CAMK1D: variants seen among roughly 807,000 people sequenced by gnomAD.
CAMK1D encodes calcium/calmodulin dependent protein kinase ID.
CAMK1D carries 9 observed loss-of-function variants against 47.7 expected under a neutral mutation model. The ratio of observed to expected loss-of-function variants is 0.19; its 90% CI spans 0.11 to 0.33. CAMK1D has a LOEUF of 0.33. Among genes scored for constraint, CAMK1D ranks in the 10% least tolerant of loss-of-function variants. The pLI, the probability that CAMK1D is intolerant of heterozygous loss-of-function variation, is 1.00. For synonymous variants in CAMK1D, 184 were observed against 184.9 expected (o/e 0.99, Z 0.04); for missense variants, 291 against 488.7 (o/e 0.60, Z 3.81).
chr10:12,534,178 C>CT (rs1205358277), intron 1 of CAMK1D, among the ~76,000 whole-genome samples: 1 of 152,090 alleles, frequency 6.6e-6, no homozygotes, highest in Non-Finnish European at 1.5e-5. Flanking sequence ...GTCTATCTAT[C>CT]TATCTATCTG....
chr10:12,361,803 G>A (rs550731238), intron 1 of CAMK1D, among the ~76,000 whole-genome samples: 7 of 151,898 alleles, frequency 4.6e-5, no homozygotes, highest in Non-Finnish European at 1.0e-4. Context: ...TGACCCACCC[G>A]TCTTGGCCTC....
chr10:12,738,141 G>C (rs1463564178), intron 3 of CAMK1D, among the ~76,000 whole-genome samples: 2 of 152,108 alleles, frequency 1.3e-5, no homozygotes, highest in Admixed American at 1.3e-4. Context: ...GACAATGTGT[G>C]GAAAATATAA....
intron 6 of CAMK1D, among the ~76,000 whole-genome samples, chr10:12,798,514 G>A (rs182991552): frequency 6.4e-4 from 98 of 152,346 alleles, no homozygotes; most frequent in Middle Eastern, 6.8e-3. Flanking sequence ...CTGGCCTGAG[G>A]AAGCCTTCCC....
At chr10:12,496,384 C>T (rs934877399) in intron 1 of CAMK1D, among the ~76,000 whole-genome samples, 2 of 152,072 alleles carry the variant, frequency 1.3e-5, no homozygotes, top group African/African-American at 4.8e-5. Context: ...CGTCTGGGAC[C>T]CGGGCTGTTT....
intron 1 of CAMK1D, among the ~76,000 whole-genome samples, chr10:12,417,988 G>A (rs192186987): frequency 6.6e-6 from 1 of 152,208 alleles, no homozygotes; most frequent in Admixed American, 6.5e-5. Context: ...TTTTAGTAGA[G>A]ACGAGGTTTC....
At chr10:12,782,848 A>G (rs1837558444) in intron 5 of CAMK1D, among the ~76,000 whole-genome samples, 1 of 152,206 alleles carries the variant, frequency 6.6e-6, no homozygotes, top group African/African-American at 2.4e-5. Flanking sequence ...CAAGACAGGA[A>G]ACTGAGGCAT....
intron 2 of CAMK1D, among the ~76,000 whole-genome samples, chr10:12,587,433 T>C (rs1837851690): frequency 1.3e-5 from 2 of 152,060 alleles, no homozygotes; most frequent in Non-Finnish European, 2.9e-5. Context: ...CCACAGTGAC[T>C]TAGCAGCTTT....
At chr10:12,696,833 A>G (rs1273566583) in intron 3 of CAMK1D, among the ~76,000 whole-genome samples, 1 of 152,044 alleles carries the variant, frequency 6.6e-6, no homozygotes, top group Non-Finnish European at 1.5e-5. Context: ...AAAATAGCTT[A>G]TGAAGATGTG....
intron 1 of CAMK1D, among the ~76,000 whole-genome samples, chr10:12,452,029 G>A (rs1330779534): frequency 1.3e-5 from 2 of 152,160 alleles, no homozygotes; most frequent in Non-Finnish European, 2.9e-5. Flanking sequence ...AACCATCCAG[G>A]TTCAGAGGCA....
At chr10:12,449,472 A>G (rs1369976434) in intron 1 of CAMK1D, among the ~76,000 whole-genome samples, 1 of 149,574 alleles carries the variant, frequency 6.7e-6, no homozygotes, top group Non-Finnish European at 1.5e-5. Context: ...TTGCTAAGAG[A>G]GTAGATCTCA....
chr10:12,635,561 A>T (rs1226940429), intron 2 of CAMK1D, among the ~76,000 whole-genome samples: 2 of 151,894 alleles, frequency 1.3e-5, no homozygotes, highest in Non-Finnish European at 2.9e-5. Flanking sequence ...GAGAGAAGGG[A>T]CCCACGCCAT....
chr10:12,545,714 C>T (rs1392746099), intron 1 of CAMK1D, among the ~76,000 whole-genome samples: 7 of 151,164 alleles, frequency 4.6e-5, no homozygotes, highest in African/African-American at 9.7e-5. Context: ...GCAGGGGAAT[C>T]GCTTGAACCA....
intron 1 of CAMK1D, among the ~76,000 whole-genome samples, chr10:12,440,548 A>G (rs1832757737): frequency 6.6e-6 from 1 of 152,338 alleles, no homozygotes; most frequent in East Asian, 1.9e-4. Flanking sequence ...TCGGCCTCCC[A>G]AAGTGCTGGG....
intron 3 of CAMK1D, among the ~76,000 whole-genome samples, chr10:12,757,702 G>C (rs1836293957): frequency 6.6e-6 from 1 of 152,206 alleles, no homozygotes; most frequent in Non-Finnish European, 1.5e-5. Context: ...GGACGTCTGA[G>C]ATCAGGGTGC....
intron 2 of CAMK1D, among the ~76,000 whole-genome samples, chr10:12,573,954 G>A (rs1837411515): frequency 6.8e-6 from 1 of 146,744 alleles, no homozygotes; most frequent in Admixed American, 7.2e-5. Flanking sequence ...GGGATCGCAG[G>A]TGTGAGCCAC....
At chr10:12,625,496 G>A (rs759345629) in intron 2 of CAMK1D, among the ~76,000 whole-genome samples, 8 of 150,380 alleles carry the variant, frequency 5.3e-5, no homozygotes, top group Non-Finnish European at 1.2e-4. Context: ...CACCACGCCT[G>A]ATTGATTTTT....
chr10:12,500,999 C>T (rs1051260149), intron 1 of CAMK1D, among the ~76,000 whole-genome samples: 7 of 152,172 alleles, frequency 4.6e-5, no homozygotes, highest in East Asian at 3.9e-4. Context: ...CCAGAGGCAA[C>T]GTGCCAAAGA....
intron 1 of CAMK1D, among the ~76,000 whole-genome samples, chr10:12,499,264 A>G (rs1018620711): frequency 5.3e-5 from 8 of 152,110 alleles, no homozygotes; most frequent in Non-Finnish European, 1.2e-4. Flanking sequence ...GAGGTCACTT[A>G]GTAACCTTAG....
At chr10:12,550,376 G>A (rs576368024) in intron 1 of CAMK1D, among the ~76,000 whole-genome samples, 7 of 152,268 alleles carry the variant, frequency 4.6e-5, no homozygotes, top group South Asian at 2.1e-4. Flanking sequence ...TCTACCTCCC[G>A]GAGGGTAGTG....
Sources: allele counts gnomAD v4.1 joint callset (sites outside exome capture counted in the v4.1 genomes callset), GRCh38; gene constraint gnomAD v4.1.1; transcripts MANE v1.5; gene names NCBI Gene and HGNC (gene_info 2026-07-23, HGNC 2026-07-21).